SGCZ: variants seen among roughly 807,000 people sequenced by gnomAD.
SGCZ encodes the protein sarcoglycan zeta, also known as zeta-sarcoglycan.
A neutral mutation model predicts 41.3 loss-of-function variants in SGCZ; 40 were observed. That is an observed-to-expected ratio of 0.97 (90% confidence interval 0.75 to 1.26). The LOEUF (loss-of-function observed/expected upper bound fraction) is 1.26, where lower values mean the gene tolerates loss of function less well. Among genes scored for constraint, SGCZ ranks in the 50% most tolerant of loss-of-function variants. The pLI, the probability that SGCZ is intolerant of heterozygous loss-of-function variation, is 0.00. For missense variants in SGCZ, 552 were observed against 369.8 expected (o/e 1.49, Z -4.04); for synonymous variants, 206 against 137.5 (o/e 1.50, Z -3.49).
At chr8:15,179,413 T>C (rs930124510) in intron 1 of SGCZ, among the ~76,000 whole-genome samples, 1 of 152,186 alleles carries the variant, frequency 6.6e-6, no homozygotes, top group African/African-American at 2.4e-5. Flanking sequence ...CTTTACAGTT[T>C]TGACATAAAA....
Position 15,151,800 on chromosome 8 carries a change from T to A in SGCZ, c.39+85785A>T, listed in dbSNP as rs1799187440. Among the ~76,000 whole-genome samples the A allele has an allele frequency of 2.6e-5, 4 of 152,302 alleles. No homozygotes were observed. The East Asian group carries it at 5.8e-4, about 22-fold the overall frequency. ...TTGAATTAAGAAGTCAATGAATGAA[T>A]TTTCCAACAGTAACCCTGTTTTTCA... On this transcript the variant is annotated intron_variant, in intron 1 of 7. Transcript: ENST00000382080.
chr8:15,157,166 A>G (rs565469170), intron 1 of SGCZ, among the ~76,000 whole-genome samples: 1 of 152,260 alleles, frequency 6.6e-6, no homozygotes, highest in East Asian at 1.9e-4. Context: ...CCAATATTAC[A>G]TACATAGATG....
At chr8:15,163,835 A>G (rs1799579508) in intron 1 of SGCZ, among the ~76,000 whole-genome samples, 1 of 152,224 alleles carries the variant, frequency 6.6e-6, no homozygotes, top group African/African-American at 2.4e-5. Flanking sequence ...GAAAAATTCA[A>G]CTTTACATAC....
intron 3 of SGCZ, among the ~76,000 whole-genome samples, chr8:14,280,622 C>G (rs1236624164): frequency 6.6e-6 from 1 of 151,844 alleles, no homozygotes; most frequent in Non-Finnish European, 1.5e-5. Context: ...ATTTTTTATA[C>G]TAGCTTTCTA....
chr8:14,915,809 T>TTC (rs1799418397), intron 1 of SGCZ, among the ~76,000 whole-genome samples: 1 of 151,962 alleles, frequency 6.6e-6, no homozygotes, highest in African/African-American at 2.4e-5. Context: ...CTCTCCGTTC[T>TTC]TCTGTCTATT....
At chr8:15,169,606 G>A (rs1278082986) in intron 1 of SGCZ, among the ~76,000 whole-genome samples, 1 of 66,600 alleles carries the variant, frequency 1.5e-5, no homozygotes, top group Non-Finnish European at 5.2e-5. Context: ...TAGACTAGGC[G>A]GCTAATAAAC....
intron 3 of SGCZ, among the ~76,000 whole-genome samples, chr8:14,307,388 A>G (rs1801384308): frequency 6.6e-6 from 1 of 152,174 alleles, no homozygotes; most frequent in Non-Finnish European, 1.5e-5. Context: ...AAATGATGAA[A>G]AGAATATAAA....
intron 1 of SGCZ, among the ~76,000 whole-genome samples, chr8:15,097,867 TATATATATATATATAC>T (rs1472261046): frequency 0.035 from 1,098 of 31,690 alleles, 35 homozygotes; most frequent in African/African-American, 0.12. Context: ...CGTGTGTGTG[TATATATATATATATAC>T]GTGTGTATAT....
intron 2 of SGCZ, among the ~76,000 whole-genome samples, chr8:14,546,173 C>G (rs1803619467): frequency 6.6e-6 from 1 of 152,144 alleles, no homozygotes; most frequent in African/African-American, 2.4e-5. Flanking sequence ...TCCACACACA[C>G]CACACTGAGG....
intron 1 of SGCZ, among the ~76,000 whole-genome samples, chr8:14,918,773 G>C (rs1799510023): frequency 6.6e-6 from 1 of 152,226 alleles, no homozygotes; most frequent in Non-Finnish European, 1.5e-5. Flanking sequence ...GTTATCTTCA[G>C]AGAATCAGCC....
chr8:15,023,297 G>C (rs1326404284), intron 1 of SGCZ, among the ~76,000 whole-genome samples: 1 of 152,168 alleles, frequency 6.6e-6, no homozygotes, highest in Admixed American at 6.5e-5. Flanking sequence ...CAGCCTGCTG[G>C]TTTGTGGCCA....
chr8:14,620,392 G>T (rs955619686), intron 1 of SGCZ, among the ~76,000 whole-genome samples: 1 of 152,166 alleles, frequency 6.6e-6, no homozygotes, highest in Non-Finnish European at 1.5e-5. Context: ...AGGACTTCAT[G>T]TCTAAAACAC....
chr8:14,905,082 T>C (rs1363378150), intron 1 of SGCZ, among the ~76,000 whole-genome samples: 4 of 152,008 alleles, frequency 2.6e-5, no homozygotes, highest in African/African-American at 9.7e-5. Context: ...CTATACTCAC[T>C]TCCCAGTCAC....
intron 2 of SGCZ, among the ~76,000 whole-genome samples, chr8:14,374,205 C>T (rs570262404): frequency 6.6e-6 from 1 of 152,080 alleles, no homozygotes; most frequent in Non-Finnish European, 1.5e-5. Context: ...TGGCAAAACA[C>T]TGTCTCTACA....
intron 6 of SGCZ, among the ~76,000 whole-genome samples, chr8:14,106,440 G>C (rs1349783506): frequency 6.6e-6 from 1 of 151,278 alleles, no homozygotes; most frequent in Non-Finnish European, 1.5e-5. Flanking sequence ...ATAAGTCTTA[G>C]TCCTTGAAGA....
intron 2 of SGCZ, among the ~76,000 whole-genome samples, chr8:14,486,300 T>G (rs1023412424): frequency 2.0e-5 from 3 of 152,116 alleles, no homozygotes; most frequent in African/African-American, 7.2e-5. Context: ...ATGTTGAGTA[T>G]GCATGGTAGT....
At chr8:14,251,820 G>C (rs1173574377) in intron 3 of SGCZ, among the ~76,000 whole-genome samples, 2 of 151,946 alleles carry the variant, frequency 1.3e-5, no homozygotes, top group Non-Finnish European at 2.9e-5. Context: ...GGTTCAAGTG[G>C]TTCTCCTGCC....
intron 1 of SGCZ, among the ~76,000 whole-genome samples, chr8:14,965,403 T>A (rs764956797): frequency 6.6e-6 from 1 of 151,990 alleles, no homozygotes; most frequent in Non-Finnish European, 1.5e-5. Flanking sequence ...AGACGGAAAG[T>A]AAAGGAGTCG....
chr8:14,932,008 T>C (rs1249051942), intron 1 of SGCZ, among the ~76,000 whole-genome samples: 2 of 151,990 alleles, frequency 1.3e-5, no homozygotes, highest in Admixed American at 6.5e-5. Flanking sequence ...TAATTAAATA[T>C]ACAATTTGTT....
Sources: allele counts gnomAD v4.1 joint callset (sites outside exome capture counted in the v4.1 genomes callset), GRCh38; gene constraint gnomAD v4.1.1; transcripts MANE v1.5; gene names NCBI Gene and HGNC (gene_info 2026-07-23, HGNC 2026-07-21).